Variants in CLASRP observed in about 807,000 individuals in gnomAD.
The protein encoded by CLASRP is CLK4 associating serine/arginine rich protein.
CLASRP carries 52 observed loss-of-function variants against 99.9 expected under a neutral mutation model. That is an observed-to-expected ratio of 0.52 (90% confidence interval 0.42 to 0.66). CLASRP has a LOEUF of 0.66. CLASRP is among the 30% of genes least tolerant of loss of function. CLASRP has a pLI of 0.00. For missense variants in CLASRP, 848 were observed against 999.2 expected (o/e 0.85, Z 2.04); for synonymous variants, 379 against 373.0 (o/e 1.02, Z -0.18).
intron 2 of CLASRP, among the ~76,000 whole-genome samples, chr19:45,045,258 G>A (rs554381816): frequency 2.0e-5 from 3 of 152,362 alleles, no homozygotes; most frequent in East Asian, 3.9e-4. Context: ...GCTCACGCCT[G>A]TAATCCCAGC....
rs1159809526 is a variant in CLASRP, at chr19:45,060,271, T to C, written c.711-118T>C. 2 of 814,942 alleles carry C rather than the reference T, an allele frequency of 2.5e-6. No homozygotes were observed. Among genetic ancestry groups the C allele is most frequent in the African/African-American group, 3.4e-5 (2 of 59,222 alleles). 50.5% of individuals were successfully genotyped at this position (814,942 alleles called of 1,614,324 possible). A position where few individuals can be genotyped will look rare whatever the true frequency, so the allele number is the denominator to read the frequency against. On this transcript the variant is annotated intron_variant, in intron 8 of 20. Coordinates refer to ENST00000221455, the MANE Select transcript of CLASRP (RefSeq NM_007056.3). This position sits in a 1 kb window ranked among gnomAD's most constrained non-coding sequence, Gnocchi z 4.6. ...TTGATAAGTGGCATTGAATGAAAGA[T>C]ACCTCAGGCTGGCGTGGGGTGACTC...
intron 2 of CLASRP, among the ~76,000 whole-genome samples, chr19:45,042,809 G>A (rs867055325): frequency 6.6e-6 from 1 of 151,890 alleles, no homozygotes; most frequent in Non-Finnish European, 1.5e-5. Flanking sequence ...TAGAGACAGG[G>A]TTTCACCATG....
intron 13 of CLASRP, among the ~76,000 whole-genome samples, chr19:45,066,893 A>G (rs1322386010): frequency 1.3e-5 from 2 of 152,104 alleles, no homozygotes; most frequent in Non-Finnish European, 2.9e-5. Context: ...GTGGAGGACA[A>G]GGGGTGGTCC....
chr19:45,069,325 A>G, intron 18 of CLASRP, 77 bp downstream of exon 18: 1 of 1,456,250 alleles, frequency 6.9e-7, no homozygotes, highest in Non-Finnish European at 9.6e-7. Context: ...CTGCTGGCTC[A>G]AGCCCTGCCC....
rs559550271 is a variant in CLASRP at position 45,064,349 on chromosome 19, C to G, written c.1128C>G (p.Arg376=). 12 of 1,306,046 alleles carry G rather than the reference C, an allele frequency of 9.2e-6. No homozygotes were observed. The East Asian group carries it at 3.3e-4, about 36-fold the overall frequency. 80.9% of individuals were successfully genotyped at this position (1,306,046 alleles called of 1,614,324 possible). Reference sequence around the variant, plus strand: ...CTCCGTGCCCCGCCTGCAGCCGCCGCTCCTCCTCCTCCTCCTCCTCCTCTT... The same window carrying G: ...CTCCGTGCCCCGCCTGCAGCCGCCGGTCCTCCTCCTCCTCCTCCTCCTCTT... ...APGRNASARR[R]SSSSSSSSSA... Residue 376 remains arginine, a synonymous_variant, in exon 13 of 21, where the codon CGC becomes CGG. Transcript: ENST00000221455.
chr19:45,068,592 C>T (rs1203409826), intron 16 of CLASRP, 112 bp downstream of exon 16: 10 of 817,474 alleles, frequency 1.2e-5, no homozygotes, highest in Admixed American at 7.5e-5. Context: ...AGAGAGGCCA[C>T]GCAGGCACGG....
chr19:45,040,517 G>A, intron 2 of CLASRP: 2 of 465,892 alleles, frequency 4.3e-6, no homozygotes, highest in Non-Finnish European at 8.0e-6. Context: ...GTTTGGTGTG[G>A]CCTCCCAGTG....
chr19:45,053,117 G>T lies in CLASRP; in HGVS notation c.319G>T (p.Asp107Tyr). 2 of 1,614,072 alleles carry T rather than the reference G, an allele frequency of 1.2e-6. No homozygotes were observed. The highest frequency in any genetic ancestry group is 2.2e-5 in the South Asian group (2 of 91,074). Reference protein sequence around the residue: ...LTTISPEQESDERKCNYERYR... With the variant: ...LTTISPEQESYERKCNYERYR... ...CTAAAGCTCCCCAGAACAGGAGTCG[G>T]ACGAACGGAAGTGTAACTACGAGCG... is the stretch of plus-strand genomic sequence containing the variant. Residue 107 changes from aspartate to tyrosine, a missense_variant, in exon 5 of 21, where the codon GAC (aspartate) becomes TAC (tyrosine). Around this residue, in one of 8 missense-constraint regions of CLASRP, gnomAD observed 54 missense variants for 38.7 expected, o/e 1.39. Transcript: ENST00000221455.
chr19:45,070,632 A>G (rs1431913520), intron 20 of CLASRP, 71 bp downstream of exon 20: 4 of 1,463,328 alleles, frequency 2.7e-6, no homozygotes, highest in Admixed American at 1.7e-5. Flanking sequence ...CCTGGCTGTC[A>G]TTCCTCCAGC....
At chr19:45,068,307 G>C (rs566389492) in intron 15 of CLASRP, 113 bp from the exon 16 acceptor site, 3 of 662,956 alleles carry the variant, frequency 4.5e-6, no homozygotes, top group African/African-American at 1.9e-5. Context: ...TCCCCACGTC[G>C]TTCTCCCCCC....
At chr19:45,041,186 C>G (rs796731457) in intron 2 of CLASRP, among the ~76,000 whole-genome samples, 12 of 146,740 alleles carry the variant, frequency 8.2e-5, no homozygotes, top group African/African-American at 3.1e-4. Context: ...GCTGAGATAG[C>G]ACCATTGCAC....
At chr19:45,064,787 C>G (rs1186368112) in intron 13 of CLASRP, among the ~76,000 whole-genome samples, 157 bp downstream of exon 13, 3 of 152,220 alleles carry the variant, frequency 2.0e-5, no homozygotes, top group Non-Finnish European at 4.4e-5. Flanking sequence ...GCAGGAAGCC[C>G]TTGGTTGGAA....
intron 2 of CLASRP, among the ~76,000 whole-genome samples, chr19:45,045,507 AC>A (rs2122534609): frequency 6.6e-6 from 1 of 151,776 alleles, no homozygotes; most frequent in African/African-American, 2.4e-5. Flanking sequence ...GGAGAATAAG[AC>A]CCTGTCTTTA....
chr19:45,053,803 A>G (rs1972071472), intron 5 of CLASRP, among the ~76,000 whole-genome samples: 1 of 152,092 alleles, frequency 6.6e-6, no homozygotes, highest in African/African-American at 2.4e-5. Flanking sequence ...AAAAGCATTT[A>G]GAAAGATGGG....
intron 2 of CLASRP, among the ~76,000 whole-genome samples, chr19:45,049,046 A>C (rs920367686): frequency 6.6e-6 from 1 of 152,234 alleles, no homozygotes; most frequent in Non-Finnish European, 1.5e-5. Context: ...GAGACAGTGC[A>C]CATAAAACAG....
chr19:45,064,623 A>G lies in CLASRP; in HGVS notation c.1402A>G (p.Arg468Gly), dbSNP rs546798619. 4 of 1,551,992 alleles carry G rather than the reference A, an allele frequency of 2.6e-6. No individual in the cohort carries two copies. The Admixed American group carries it at 5.6e-5, about 22-fold the overall frequency. Residue 468 changes from arginine to glycine, a missense_variant, in exon 13 of 21, where the codon AGA becomes GGA. Coordinates refer to ENST00000221455, the MANE Select transcript of CLASRP (RefSeq NM_007056.3). ...GCGTGGTGGTTACGGGCCCCGGCGC[A>G]GAAGCAGGTGTGTGTGGCTGGGCGT... ...ARRGGYGPRR[R>G]SRSRSHSGDR... is the part of the protein sequence containing the mutation.
chr19:45,062,499 T>C (rs145629659), intron 11 of CLASRP, among the ~76,000 whole-genome samples: 1,609 of 152,308 alleles, frequency 0.011, 26 homozygotes, highest in African/African-American at 0.036. Flanking sequence ...TGCCTCAGCC[T>C]CCTGAGTAGC....
At chr19:45,051,313 T>TC (rs1311908904) in intron 2 of CLASRP, among the ~76,000 whole-genome samples, 1 of 151,914 alleles carries the variant, frequency 6.6e-6, no homozygotes, top group African/African-American at 2.4e-5. Flanking sequence ...TTCTTCAATT[T>TC]CTTTTTTTTT....
intron 15 of CLASRP, 91 bp from the exon 16 acceptor site, chr19:45,068,329 C>A (rs1016918128): frequency 1.2e-5 from 8 of 648,426 alleles, no homozygotes; most frequent in Admixed American, 4.8e-5. Flanking sequence ...CCACCCCCCC[C>A]CCGCACAAAG....
Sources: gnomAD v4.1 joint callset for allele counts (sites outside exome capture counted in the v4.1 genomes callset) on GRCh38, gnomAD v4.1.1 for gene constraint, gnomAD v4.1.1 regional missense constraint, Gnocchi (gnomAD v3.1) non-coding constraint, MANE v1.5 for transcripts, NCBI Gene and HGNC (gene_info 2026-07-23, HGNC 2026-07-21) for gene names.